Variants in C1QTNF3 observed in about 807,000 individuals in gnomAD.
The protein encoded by C1QTNF3 is C1q and TNF related 3, also known as complement C1q tumor necrosis factor-related protein 3.
A neutral mutation model predicts 32.6 loss-of-function variants in C1QTNF3; 26 were observed. That is an observed-to-expected ratio of 0.80 (90% CI 0.58 to 1.11). C1QTNF3 has a LOEUF of 1.11. C1QTNF3 is among the 50% of genes least tolerant of loss of function. The pLI is 0.00. For synonymous variants in C1QTNF3, 155 were observed against 146.0 expected, an observed-to-expected ratio of 1.06 and a Z score of -0.44; for missense variants, 362 against 398.2, an observed-to-expected ratio of 0.91 and a Z score of 0.77.
chr5:34,114,016 C>T, the C1QTNF3 span, among the ~76,000 whole-genome samples: 1 of 152,068 alleles, frequency 6.6e-6, no homozygotes, highest in Non-Finnish European at 1.5e-5. Flanking sequence ...TTTTCAGGGC[C>T]ATTGAAAAAA....
At chr5:34,176,245 G>A in the C1QTNF3 span, among the ~76,000 whole-genome samples, 1 of 137,412 alleles carries the variant, frequency 7.3e-6, no homozygotes, top group Admixed American at 7.6e-5. Context: ...ACACTCTGGG[G>A]ACTGTTGTGC....
chr5:34,101,361 A>G, the C1QTNF3 span, among the ~76,000 whole-genome samples: 10 of 152,012 alleles, frequency 6.6e-5, no homozygotes, highest in African/African-American at 2.4e-4. Context: ...TAGTCTCATC[A>G]TCTGTAAAAT....
the C1QTNF3 span, among the ~76,000 whole-genome samples, chr5:34,171,840 T>A: frequency 2.6e-5 from 4 of 152,338 alleles, no homozygotes; most frequent in African/African-American, 9.6e-5. Context: ...GTATTCACAA[T>A]AGTGCCAGTA....
chr5:34,209,217 T>A, the C1QTNF3 span, among the ~76,000 whole-genome samples: 18,003 of 152,034 alleles, frequency 0.12, 2,874 homozygotes, highest in African/African-American at 0.36. Context: ...CTGGTGGCCT[T>A]AAATGTCATT....
At chr5:34,059,163 G>A in the C1QTNF3 span, among the ~76,000 whole-genome samples, 1 of 152,084 alleles carries the variant, frequency 6.6e-6, no homozygotes, top group African/African-American at 2.4e-5. Flanking sequence ...ACAGTTTTGG[G>A]GGCTGGGAGC....
At chr5:34,067,307 G>T in the C1QTNF3 span, among the ~76,000 whole-genome samples, 1 of 152,134 alleles carries the variant, frequency 6.6e-6, no homozygotes, top group Non-Finnish European at 1.5e-5. Flanking sequence ...ACATTTTCAA[G>T]AATCTTTTAA....
At chr5:34,166,511 A>G in the C1QTNF3 span, 1 of 152,300 alleles carries the variant, frequency 6.6e-6, no homozygotes, top group East Asian at 1.9e-4. Context: ...TCATCTCTAT[A>G]CTTCAGGAAG....
chr5:34,032,935 T>G, intron 3 of C1QTNF3: 1 of 179,798 alleles, frequency 5.6e-6, no homozygotes, highest in Non-Finnish European at 1.2e-5. Flanking sequence ...ATCATTCCAT[T>G]TATATACTTA....
the C1QTNF3 span, among the ~76,000 whole-genome samples, chr5:34,084,097 T>C: frequency 6.6e-6 from 1 of 151,884 alleles, no homozygotes; most frequent in South Asian, 2.1e-4. Context: ...GTCCCTGTAA[T>C]GTACTCTGGT....
intron 4 of C1QTNF3, among the ~76,000 whole-genome samples, chr5:34,026,651 C>T (rs10941113): frequency 0.39 from 58,701 of 151,788 alleles, 14,173 homozygotes; most frequent in Non-Finnish European, 0.53. Context: ...CCCCTGGCAG[C>T]AGGGGAGGGA....
the C1QTNF3 span, chr5:34,168,281 A>ATATGTGTG: frequency 6.9e-6 from 1 of 143,960 alleles, no homozygotes; most frequent in African/African-American, 2.8e-5. Context: ...GTGTGTGTGC[A>ATATGTGTG]TGCGTGTGTG....
the C1QTNF3 span, among the ~76,000 whole-genome samples, chr5:34,230,432 G>A: frequency 2.6e-5 from 4 of 151,970 alleles, no homozygotes; most frequent in African/African-American, 4.8e-5. Flanking sequence ...GTTTCATGAT[G>A]GTCAATGATA....
the C1QTNF3 span, among the ~76,000 whole-genome samples, chr5:34,130,177 G>A: frequency 8.6e-5 from 13 of 151,302 alleles, no homozygotes; most frequent in South Asian, 2.7e-3. Flanking sequence ...ATATATATGT[G>A]CATATATATT....
At chr5:34,169,210 T>C in the C1QTNF3 span, 42 of 152,312 alleles carry the variant, frequency 2.8e-4, no homozygotes, top group East Asian at 7.5e-3. Context: ...TATTTTGTAA[T>C]AGTAGCACAA....
chr5:34,051,465 G>A, the C1QTNF3 span, among the ~76,000 whole-genome samples: 3 of 152,132 alleles, frequency 2.0e-5, no homozygotes, highest in Admixed American at 6.5e-5. Flanking sequence ...CTCACACATA[G>A]TAAATACTCC....
At chr5:34,047,383 G>A (rs1755005023), upstream of C1QTNF3, among the ~76,000 whole-genome samples, 1 of 152,254 alleles carries the variant, frequency 6.6e-6, no homozygotes, top group East Asian at 1.9e-4. Context: ...GCTTTACAAA[G>A]GAGGCCGTTA....
chr5:34,223,747 G>C, the C1QTNF3 span, among the ~76,000 whole-genome samples: 1 of 152,056 alleles, frequency 6.6e-6, no homozygotes, highest in African/African-American at 2.4e-5. Flanking sequence ...TTGTGGTTTT[G>C]ATTTGTCCTC....
chr5:34,056,458 A>G, the C1QTNF3 span, among the ~76,000 whole-genome samples: 699 of 61,498 alleles, frequency 0.011, 12 homozygotes, highest in African/African-American at 0.027. Context: ...GTGTGTGTAT[A>G]TATATATATA....
the C1QTNF3 span, among the ~76,000 whole-genome samples, chr5:34,217,434 C>T: frequency 6.6e-6 from 1 of 152,126 alleles, no homozygotes; most frequent in Non-Finnish European, 1.5e-5. Context: ...AACCTATACA[C>T]TTACATTCCT....
Sources: allele counts gnomAD v4.1 joint callset (sites outside exome capture counted in the v4.1 genomes callset), GRCh38; gene constraint gnomAD v4.1.1; transcripts MANE v1.5; gene names NCBI Gene and HGNC (gene_info 2026-07-23, HGNC 2026-07-21).